NALCN: variants seen among roughly 807,000 people sequenced by gnomAD.
NALCN encodes the protein sodium leak channel, non-selective, also known as sodium leak channel NALCN.
In NALCN, 111 loss-of-function variants were observed where a neutral mutation model predicts 225.3. The ratio of observed to expected loss-of-function variants is 0.49; its 90% CI spans 0.42 to 0.58. The LOEUF is 0.58. Ranked by LOEUF, NALCN falls within the 20% of genes least tolerant of loss-of-function variation. The pLI, the probability that NALCN is intolerant of heterozygous loss-of-function variation, is 0.00. For missense variants in NALCN, 1,378 were observed against 2,202.4 expected (o/e 0.63, Z 7.49); for synonymous variants, 764 against 769.0 (o/e 0.99, Z 0.11).
intron 11 of NALCN, among the ~76,000 whole-genome samples, chr13:101,247,997 C>T (rs956699301): frequency 4.6e-5 from 7 of 152,150 alleles, no homozygotes; most frequent in Admixed American, 2.0e-4. Context: ...GATGTGATCT[C>T]GTTCCTTTTT....
chr13:101,084,535 A>G (rs1176025108), intron 30 of NALCN, among the ~76,000 whole-genome samples: 3 of 152,200 alleles, frequency 2.0e-5, no homozygotes, highest in African/African-American at 7.2e-5. Flanking sequence ...GTGCTTACGC[A>G]TGAATCAATA....
At chr13:101,334,777 T>G (rs1489339783) in intron 7 of NALCN, among the ~76,000 whole-genome samples, 1 of 152,096 alleles carries the variant, frequency 6.6e-6, no homozygotes, top group Admixed American at 6.6e-5. Flanking sequence ...ACAGCATTAC[T>G]TATTGCAGGG....
Position 101,142,915 on chromosome 13 carries a change from A to G in NALCN, c.2118+165T>C, listed in dbSNP as rs780763755. On this transcript the variant is annotated intron_variant, in intron 17 of 43. Coordinates refer to ENST00000251127, the MANE Select transcript of NALCN (RefSeq NM_052867.4). ...GGGCAAATGCAAAATTTCAATGCATAGAGTAAAAAATGTTAGGTTTCATGA... is the reference window on the plus strand; with the variant it reads ...GGGCAAATGCAAAATTTCAATGCATGGAGTAAAAAATGTTAGGTTTCATGA... The G allele has an allele frequency of 4.1e-6, 4 of 980,626 alleles. No homozygotes were observed. The African/African-American group carries it at 6.6e-5, about 16-fold the overall frequency. 60.7% of individuals were successfully genotyped at this position (980,626 alleles called of 1,614,324 possible).
intron 6 of NALCN, chr13:101,369,112 G>A: frequency 4.3e-6 from 1 of 231,194 alleles, no homozygotes; most frequent in Non-Finnish European, 9.0e-6. Flanking sequence ...GGCTAGTTAA[G>A]CATTTTCTTC....
intron 7 of NALCN, among the ~76,000 whole-genome samples, chr13:101,327,338 T>G (rs1782609742): frequency 6.6e-6 from 1 of 152,106 alleles, no homozygotes; most frequent in South Asian, 2.1e-4. Flanking sequence ...TAATTATTTT[T>G]CTCCTTCTCT....
intron 40 of NALCN, among the ~76,000 whole-genome samples, chr13:101,064,150 C>A (rs941117130): frequency 6.6e-6 from 1 of 152,228 alleles, no homozygotes; most frequent in Non-Finnish European, 1.5e-5. Flanking sequence ...TCAGTCAAGG[C>A]AGTCAGTTAT....
chr13:101,079,401 T>G (rs1163911673), intron 34 of NALCN, among the ~76,000 whole-genome samples: 3 of 152,236 alleles, frequency 2.0e-5, no homozygotes, highest in Non-Finnish European at 2.9e-5. Flanking sequence ...TGTACTATGC[T>G]AGTACTATGT....
In NALCN at chr13:101,082,906, G is replaced by A. The variant is rs1409910112; in HGVS notation, c.3691-23C>T. Reference sequence around the variant, plus strand: ...CCACTGCAACAGAAACAGCACACGAGTCGTTGCCCACGTCCATCGGACACA... The same window carrying A: ...CCACTGCAACAGAAACAGCACACGAATCGTTGCCCACGTCCATCGGACACA... On this transcript the variant is annotated intron_variant, in intron 32 of 43. Transcript: ENST00000251127. The A allele has an allele frequency of 4.3e-6, 7 of 1,613,418 alleles. No individual in the cohort carries two copies. The East Asian group carries it at 8.9e-5, about 21-fold the overall frequency.
At chr13:101,075,453 CAAAAA>C (rs72275676) in intron 35 of NALCN, among the ~76,000 whole-genome samples, 161 of 103,626 alleles carry the variant, frequency 1.6e-3, no homozygotes, top group African/African-American at 5.2e-3. Flanking sequence ...GACTCCATCT[CAAAAA>C]AAAAAAAAAA....
chr13:101,339,651 G>A (rs2045492968), intron 7 of NALCN, among the ~76,000 whole-genome samples: 1 of 152,146 alleles, frequency 6.6e-6, no homozygotes. Context: ...TCTGTGGAAG[G>A]AGCACCTGTT....
chr13:101,331,989 T>A (rs1437848704), intron 7 of NALCN, among the ~76,000 whole-genome samples: 1 of 152,058 alleles, frequency 6.6e-6, no homozygotes, highest in Non-Finnish European at 1.5e-5. Context: ...CTTGGTTAAA[T>A]CCTCCTTGGT....
chr13:101,313,023 T>C (rs1486006533), intron 7 of NALCN, among the ~76,000 whole-genome samples: 1 of 152,084 alleles, frequency 6.6e-6, no homozygotes, highest in Non-Finnish European at 1.5e-5. Flanking sequence ...TCAGAAATAA[T>C]GCCACATATC....
chr13:101,066,843 G>C (rs565917057), intron 39 of NALCN, among the ~76,000 whole-genome samples: 2 of 152,076 alleles, frequency 1.3e-5, no homozygotes, highest in East Asian at 3.9e-4. Context: ...AACTCTTCTT[G>C]AACTATTTCC....
chr13:101,259,761 C>CACAT (rs1555324887), intron 10 of NALCN, among the ~76,000 whole-genome samples: 1 of 62,172 alleles, frequency 1.6e-5, no homozygotes, highest in African/African-American at 3.6e-5. Flanking sequence ...TACACACACA[C>CACAT]ATAAATATAT....
chr13:101,226,697 G>C (rs1343273139), intron 13 of NALCN, among the ~76,000 whole-genome samples: 1 of 152,140 alleles, frequency 6.6e-6, no homozygotes, highest in African/African-American at 2.4e-5. Context: ...GGGGACCACT[G>C]CCATCCCCAC....
intron 10 of NALCN, among the ~76,000 whole-genome samples, chr13:101,281,530 G>T (rs2043168598): frequency 6.6e-6 from 1 of 152,168 alleles, no homozygotes. Flanking sequence ...GGTAGTTGTA[G>T]TAGTTTTATA....
intron 7 of NALCN, among the ~76,000 whole-genome samples, chr13:101,302,434 A>C (rs567986151): frequency 1.3e-5 from 2 of 152,332 alleles, no homozygotes; most frequent in East Asian, 3.9e-4. Context: ...TTAAAATCCA[A>C]TTTTAAAAAA....
chr13:101,270,350 T>C (rs7330460), intron 10 of NALCN, among the ~76,000 whole-genome samples: 11,713 of 152,268 alleles, frequency 0.077, 1,435 homozygotes, highest in African/African-American at 0.25. Flanking sequence ...ATTAAATTCC[T>C]ACATCTAGAA....
chr13:101,148,098 A>G (rs2037451072), intron 15 of NALCN, among the ~76,000 whole-genome samples: 1 of 152,104 alleles, frequency 6.6e-6, no homozygotes, highest in Admixed American at 6.5e-5. Context: ...TTACGGGTCA[A>G]TTGAATCCAC....
Sources: gnomAD v4.1 joint callset for allele counts (sites outside exome capture counted in the v4.1 genomes callset) on GRCh38, gnomAD v4.1.1 for gene constraint, MANE v1.5 for transcripts, NCBI Gene and HGNC (gene_info 2026-07-23, HGNC 2026-07-21) for gene names.